Variants in AATF observed in about 807,000 individuals in gnomAD.
The protein encoded by AATF is protein AATF.
Under a neutral mutation model 63.7 loss-of-function variants are expected in AATF, and 48 were observed. The observed-to-expected ratio is 0.75, with a 90% CI of 0.60 to 0.96. The LOEUF is 0.96. Ranked by LOEUF, AATF falls within the 40% of genes least tolerant of loss-of-function variation. The probability of loss-of-function intolerance (pLI) is 0.00; values close to 1 mark genes in which losing one functional copy is unlikely to be tolerated. For missense variants in AATF, 639 were observed against 685.7 expected, an observed-to-expected ratio of 0.93 and a Z score of 0.76; for synonymous variants, 258 against 247.7, an observed-to-expected ratio of 1.04 and a Z score of -0.39.
chr17:37,010,192 C>T (rs554403372), intron 8 of AATF, among the ~76,000 whole-genome samples: 1 of 152,232 alleles, frequency 6.6e-6, no homozygotes, highest in South Asian at 2.1e-4. Flanking sequence ...CGGTGGCTCA[C>T]GCCTATAATC....
intron 10 of AATF, among the ~76,000 whole-genome samples, chr17:37,026,062 G>A (rs1392781847): frequency 6.6e-6 from 1 of 152,176 alleles, no homozygotes; most frequent in African/African-American, 2.4e-5. Flanking sequence ...CATCATTTCT[G>A]TGGTATTCTT....
chr17:36,954,538 A>G (rs1213670910), intron 4 of AATF, among the ~76,000 whole-genome samples: 4 of 152,234 alleles, frequency 2.6e-5, no homozygotes, highest in Non-Finnish European at 4.4e-5. Context: ...CAATGTGCTA[A>G]GATGATCTTA....
chr17:36,955,744 A>G (rs2070894554), intron 4 of AATF, among the ~76,000 whole-genome samples: 1 of 152,170 alleles, frequency 6.6e-6, no homozygotes, highest in South Asian at 2.1e-4. Flanking sequence ...TATAATGGAC[A>G]CATATTCTTG....
At chr17:36,989,122 A>G (rs1802806832) in intron 6 of AATF, 125 bp from the exon 7 acceptor site, 6 of 1,154,064 alleles carry the variant, frequency 5.2e-6, no homozygotes, top group Non-Finnish European at 7.2e-6. Flanking sequence ...AGTCCTTTAC[A>G]GAAAGTCCCT....
At chr17:37,006,931 C>T (rs900269404) in intron 8 of AATF, among the ~76,000 whole-genome samples, 1 of 152,216 alleles carries the variant, frequency 6.6e-6, no homozygotes, top group Non-Finnish European at 1.5e-5. Flanking sequence ...CCTTAAAGAC[C>T]AAGGGCAGTG....
intron 4 of AATF, among the ~76,000 whole-genome samples, chr17:36,956,410 C>G (rs1043338563): frequency 6.6e-6 from 1 of 152,202 alleles, no homozygotes; most frequent in African/African-American, 2.4e-5. Context: ...CAGTGGCTCA[C>G]GCCTGTAATG....
At chr17:37,006,465 G>A (rs948638946) in intron 8 of AATF, among the ~76,000 whole-genome samples, 9 of 151,838 alleles carry the variant, frequency 5.9e-5, no homozygotes, top group South Asian at 4.2e-4. Flanking sequence ...GCAAAACTCC[G>A]TCTCAAAAAA....
chr17:37,027,500 A>T (rs2071519733), intron 10 of AATF, among the ~76,000 whole-genome samples: 1 of 152,152 alleles, frequency 6.6e-6, no homozygotes, highest in Admixed American at 6.5e-5. Flanking sequence ...ACTATATTGT[A>T]TTAAATGTAA....
At chr17:37,053,074 A>G (rs2071766718) in intron 11 of AATF, among the ~76,000 whole-genome samples, 1 of 152,194 alleles carries the variant, frequency 6.6e-6, no homozygotes, top group Admixed American at 6.5e-5. Flanking sequence ...CTGCTTGTTT[A>G]TATGACAACA....
At chr17:36,962,155 A>AT in intron 4 of AATF, among the ~76,000 whole-genome samples, 2 of 152,300 alleles carry the variant, frequency 1.3e-5, no homozygotes, top group East Asian at 3.9e-4. Flanking sequence ...TCATTTCTTG[A>AT]TAAGTTTCTG....
In AATF at chr17:36,986,672, G is replaced by GCTTTTCCAGTACCCC. The variant is rs1221691492; in HGVS notation, c.902_903insCCTTTTCCAGTACCC (p.Leu297_Pro301dup). 1 of 1,614,132 alleles carries GCTTTTCCAGTACCCC rather than the reference G, an allele frequency of 6.2e-7. No individual in the cohort carries two copies. The highest frequency in any genetic ancestry group is 2.2e-5 in the East Asian group (1 of 44,866). On this transcript the variant is annotated inframe_insertion, in exon 5 of 12. Transcript: ENST00000619387. ...CATTGGTAGGTCTTCAGGAAGAGTT[G>GCTTTTCCAGTACCCC]CTTTTCCAGTACCCAGACACTAGAT...
chr17:36,967,126 T>G (rs2070997398), intron 4 of AATF, among the ~76,000 whole-genome samples: 1 of 152,192 alleles, frequency 6.6e-6, no homozygotes, highest in South Asian at 2.1e-4. Context: ...ACTTGACTTT[T>G]CAGTTTTAGG....
chr17:36,968,633 T>C (rs2142221824), intron 4 of AATF, among the ~76,000 whole-genome samples: 1 of 151,998 alleles, frequency 6.6e-6, no homozygotes, highest in African/African-American at 2.4e-5. Context: ...TTCTTTTTTC[T>C]TTTTTCAAGA....
intron 10 of AATF, among the ~76,000 whole-genome samples, chr17:37,024,389 T>G (rs1375462258): frequency 1.3e-5 from 2 of 152,194 alleles, no homozygotes; most frequent in South Asian, 2.1e-4. Context: ...AATTAATTTG[T>G]TTTGGCAGAG....
In AATF at chr17:36,949,167, G is replaced by T. The variant is rs2070831778; in HGVS notation, c.42G>T (p.Leu14Phe). The T allele has an allele frequency of 6.3e-7, 1 of 1,592,618 alleles. No individual in the cohort carries two copies. The highest frequency in any genetic ancestry group is 1.8e-5 in the Admixed American group (1 of 56,074). The stretch of plus-strand genomic sequence containing the variant: ...CCCTGGCGCTGCAACTGGAACAGTT[G>T]TTGAACCCGCGACCAAGCGAGGCGG... ...PQPLALQLEQ[L>F]LNPRPSEADP... The change falls in exon 1 of 12, where the codon TTG becomes TTT. Residue 14 changes from leucine (L) to phenylalanine (F), a missense_variant. Coordinates refer to ENST00000619387, the MANE Select transcript of AATF (RefSeq NM_012138.4).
At chr17:36,993,208 GAGCTGCAAGGC>G (rs1460829354) in intron 8 of AATF, among the ~76,000 whole-genome samples, 2 of 152,196 alleles carry the variant, frequency 1.3e-5, no homozygotes, top group African/African-American at 4.8e-5. Context: ...GACATCTGCT[GAGCTGCAAGGC>G]AGCTGCACAT....
chr17:37,039,617 G>A (rs1263382968), intron 11 of AATF, among the ~76,000 whole-genome samples: 1 of 152,152 alleles, frequency 6.6e-6, no homozygotes, highest in Non-Finnish European at 1.5e-5. Context: ...CAGTGCTGAG[G>A]GGAAAGGACC....
intron 4 of AATF, among the ~76,000 whole-genome samples, chr17:36,984,111 A>G (rs1455271347): frequency 6.6e-6 from 1 of 152,232 alleles, no homozygotes; most frequent in East Asian, 1.9e-4. Flanking sequence ...AATAAGACAT[A>G]AAAATCATTT....
intron 10 of AATF, among the ~76,000 whole-genome samples, chr17:37,022,678 CTG>C (rs1362026522): frequency 1.3e-5 from 2 of 152,144 alleles, no homozygotes; most frequent in Non-Finnish European, 2.9e-5. Context: ...CCCTTAAACT[CTG>C]TGCTAGTTTC....
Sources: allele counts gnomAD v4.1 joint callset (sites outside exome capture counted in the v4.1 genomes callset), GRCh38; gene constraint gnomAD v4.1.1; transcripts MANE v1.5; gene names NCBI Gene and HGNC (gene_info 2026-07-23, HGNC 2026-07-21).